The following CWH43 variants were observed in gnomAD, a reference collection of about 807,000 sequenced individuals.
The protein encoded by CWH43 is PGAP2-interacting protein.
A neutral mutation model predicts 85.7 loss-of-function variants in CWH43; 91 were observed. The ratio of observed to expected loss-of-function variants is 1.06; its 90% CI spans 0.90 to 1.26. The LOEUF (loss-of-function observed/expected upper bound fraction) is 1.26, where lower values mean the gene tolerates loss of function less well. Ranked by LOEUF, CWH43 falls within the 50% of genes most tolerant of loss-of-function variation. The pLI is 0.00. For missense variants in CWH43, 869 were observed against 839.2 expected, an observed-to-expected ratio of 1.04 and a Z score of -0.44; for synonymous variants, 323 against 293.6, an observed-to-expected ratio of 1.10 and a Z score of -1.02.
chr4:49,055,792 G>GC (rs1784934169), intron 15 of CWH43, among the ~76,000 whole-genome samples: 1 of 152,106 alleles, frequency 6.6e-6, no homozygotes, highest in Non-Finnish European at 1.5e-5. Context: ...GTTTCGCCAT[G>GC]TTGGCCAGGC....
At chr4:49,049,137 C>T (rs186601934) in intron 14 of CWH43, among the ~76,000 whole-genome samples, 1 of 152,274 alleles carries the variant, frequency 6.6e-6, no homozygotes, top group East Asian at 1.9e-4. Flanking sequence ...TTGCTAAAGA[C>T]AGTGACCTAG....
At chr4:49,033,969 C>A (rs958603987) in intron 12 of CWH43, among the ~76,000 whole-genome samples, 2 of 152,114 alleles carry the variant, frequency 1.3e-5, no homozygotes, top group Admixed American at 6.6e-5. Context: ...TCCCTGGTTA[C>A]CTCACTGTTT....
chr4:49,007,356 AT>A, intron 8 of CWH43, 30 bp downstream of exon 8: 1 of 1,501,468 alleles, frequency 6.7e-7, no homozygotes, highest in South Asian at 1.4e-5. Flanking sequence ...CTTAAAAAAA[AT>A]TAATTATATA....
Position 49,007,076 on chromosome 4 carries a change from T to A in CWH43, c.1061-125T>A, listed in dbSNP as rs1331043477. The A allele has an allele frequency of 3.7e-6, 4 of 1,088,516 alleles. No homozygotes were observed. In the African/African-American group the frequency reaches 6.4e-5, roughly 18 times the overall value. The allele number at this position is 1,088,516 out of a possible 1,614,324, so 67.4% of individuals were successfully genotyped here. A position where few individuals can be genotyped will look rare whatever the true frequency, so the allele number is the denominator to read the frequency against. ...TAGAGTAATTGTTTAGGTTCTGAGA[T>A]AAATTAAATCAGTACATGAATTTCC... On this transcript the variant is annotated intron_variant, in intron 7 of 15. Coordinates refer to ENST00000226432, the MANE Select transcript of CWH43 (RefSeq NM_025087.3).
At chr4:49,027,068 G>C (rs557382785) in intron 9 of CWH43, among the ~76,000 whole-genome samples, 1 of 152,208 alleles carries the variant, frequency 6.6e-6, no homozygotes, top group African/African-American at 2.4e-5. Context: ...GAAGAAAAAT[G>C]ATATATGTCA....
chr4:49,037,457 T>A (rs1271093277), intron 12 of CWH43, among the ~76,000 whole-genome samples: 1 of 152,080 alleles, frequency 6.6e-6, no homozygotes, highest in Non-Finnish European at 1.5e-5. Context: ...GTCATGCCAG[T>A]TACTCAGGAG....
chr4:49,039,336 G>T (rs1015889962), intron 13 of CWH43, among the ~76,000 whole-genome samples: 181 of 4,210 alleles, frequency 0.043, 3 homozygotes, highest in East Asian at 0.067. Context: ...TATATATACT[G>T]ATGTATATAT....
chr4:49,013,558 C>T (rs1380016839), intron 8 of CWH43, among the ~76,000 whole-genome samples: 8 of 152,204 alleles, frequency 5.3e-5, no homozygotes, highest in Admixed American at 2.6e-4. Context: ...ATGCAGAAAT[C>T]GCCTGTCTTC....
chr4:49,060,184 T>C (rs1014007832), intron 15 of CWH43, among the ~76,000 whole-genome samples: 20 of 151,572 alleles, frequency 1.3e-4, no homozygotes, highest in African/African-American at 4.4e-4. Flanking sequence ...GCTGGTTGCA[T>C]AGGGGCCAGC....
chr4:49,049,090 C>T (rs962410195), intron 14 of CWH43, among the ~76,000 whole-genome samples: 2 of 152,116 alleles, frequency 1.3e-5, no homozygotes, highest in Non-Finnish European at 2.9e-5. Flanking sequence ...TGGGTCAGAA[C>T]TTTGATCTTA....
intron 8 of CWH43, chr4:49,016,994 C>A (rs1302937727): frequency 2.7e-5 from 21 of 778,274 alleles, no homozygotes; most frequent in Non-Finnish European, 4.5e-5. Flanking sequence ...TGGGATCTAG[C>A]TTCTGCTGGG....
At chr4:49,001,064 G>A (rs1164540346) in intron 6 of CWH43, among the ~76,000 whole-genome samples, 2 of 152,118 alleles carry the variant, frequency 1.3e-5, no homozygotes, top group Admixed American at 1.3e-4. Flanking sequence ...TTTTCCCATT[G>A]CACAGTTTAT....
rs1196671949 is a variant in CWH43, at chr4:49,007,318, T to C, written c.1178T>C (p.Met393Thr). ...KVLFRKSEKY[M>T]KLFLWLLVGV... ...CTTTTCAGAAAGAGTGAAAAATACATGAAACTTTGTAAGTATAGTTTTACA... is the reference window on the plus strand; with the variant it reads ...CTTTTCAGAAAGAGTGAAAAATACACGAAACTTTGTAAGTATAGTTTTACA... Residue 393 changes from methionine (M) to threonine (T), a missense_variant, in exon 8 of 16, where the codon ATG (methionine) becomes ACG (threonine). Physicochemically the swap from Met to Thr is moderately conservative, Grantham distance 81 (BLOSUM62 -1). This residue lies in a region of CWH43 where 577 missense variants were observed against 513.1 expected (regional missense o/e 1.12). Transcript: ENST00000226432. The C allele has an allele frequency of 8.8e-6, 14 of 1,593,292 alleles. No individual in the cohort carries two copies. Among genetic ancestry groups the C allele is most frequent in the South Asian group, 1.2e-5 (1 of 84,722 alleles).
intron 15 of CWH43, among the ~76,000 whole-genome samples, chr4:49,055,301 T>C (rs978287019): frequency 6.6e-6 from 1 of 152,226 alleles, no homozygotes; most frequent in Non-Finnish European, 1.5e-5. Flanking sequence ...ATACATTGTA[T>C]CATATTTATT....
rs138204472 is a variant in CWH43 at position 48,991,001 on chromosome 4, G to T, written c.236-453G>T. ...TACAACCTGGATGCACCCTGAAAAC[G>T]TTATGCTAAGGGAAAGAAGGCAGTC... On this transcript the variant is annotated intron_variant, in intron 2 of 15. Coordinates refer to ENST00000226432, the MANE Select transcript of CWH43 (RefSeq NM_025087.3). Among the ~76,000 whole-genome samples the T allele has an allele frequency of 8.9e-3, 1,348 of 152,228 alleles. 16 individuals carry two copies. The highest frequency in any genetic ancestry group is 0.027 in the African/African-American group (1,104 of 41,524).
rs1298362125 is a variant in CWH43 at position 49,044,797 on chromosome 4, C to T, written c.1815C>T (p.Ser605=). ...TEHGNVKDID[S]TDHDRWCEYI... Reference sequence around the variant, plus strand: ...CTGCTCTTTATTAGGATATCGACAGCACTGATCATGACAGATGGTGTGAAT... The same window carrying T: ...CTGCTCTTTATTAGGATATCGACAGTACTGATCATGACAGATGGTGTGAAT... The change falls in exon 14 of 16, where the codon AGC becomes AGT. Residue 605 remains serine, a synonymous_variant. Coordinates refer to ENST00000226432, the MANE Select transcript of CWH43 (RefSeq NM_025087.3). 5 of 1,612,774 alleles carry T rather than the reference C, an allele frequency of 3.1e-6. No homozygotes were observed.
intron 14 of CWH43, 39 bp from the exon 15 acceptor site, chr4:49,050,655 T>C: frequency 6.4e-7 from 1 of 1,561,098 alleles, no homozygotes; most frequent in East Asian, 2.3e-5. Flanking sequence ...TTCTATACAA[T>C]AATAAAACTG....
chr4:49,023,039 T>C (rs1783800230), intron 9 of CWH43, among the ~76,000 whole-genome samples: 1 of 152,220 alleles, frequency 6.6e-6, no homozygotes, highest in Non-Finnish European at 1.5e-5. Flanking sequence ...TATCATTTAA[T>C]TCTGCTCTGA....
intron 14 of CWH43, among the ~76,000 whole-genome samples, chr4:49,047,982 C>T (rs1297817009): frequency 3.3e-5 from 5 of 152,054 alleles, no homozygotes; most frequent in Non-Finnish European, 7.4e-5. Context: ...TTTGGTGTTT[C>T]CAAAGTGTTA....
Sources: gnomAD v4.1 joint callset for allele counts (sites outside exome capture counted in the v4.1 genomes callset) on GRCh38, gnomAD v4.1.1 for gene constraint, gnomAD v4.1.1 regional missense constraint, MANE v1.5 for transcripts, NCBI Gene and HGNC (gene_info 2026-07-23, HGNC 2026-07-21) for gene names.